The following PDE10A variants were observed in gnomAD, a reference collection of about 807,000 sequenced individuals.
PDE10A encodes the protein phosphodiesterase 10A.
PDE10A carries 39 observed loss-of-function variants against 97.7 expected under a neutral mutation model. The observed-to-expected ratio is 0.40, with a 90% confidence interval of 0.31 to 0.52. PDE10A has a LOEUF of 0.52. Among genes scored for constraint, PDE10A ranks in the 20% least tolerant of loss-of-function variants. The pLI is 0.56. For missense variants in PDE10A, 731 were observed against 1,047.8 expected (o/e 0.70, Z 4.17); for synonymous variants, 371 against 376.8 (o/e 0.98, Z 0.18).
chr6:165,372,304 G>T (rs1784309302), intron 18 of PDE10A, among the ~76,000 whole-genome samples: 1 of 150,694 alleles, frequency 6.6e-6, no homozygotes. Flanking sequence ...GTTTGCAGAT[G>T]ACATGATTGT....
At chr6:165,962,353 C>CGG (rs1562329976) in intron 1 of PDE10A, among the ~76,000 whole-genome samples, 1 of 152,202 alleles carries the variant, frequency 6.6e-6, no homozygotes, top group African/African-American at 2.4e-5. Flanking sequence ...TGAGTGGCTC[C>CGG]GGGGCTGGTC....
At chr6:165,580,282 T>A (rs1785541266) in intron 1 of PDE10A, among the ~76,000 whole-genome samples, 1 of 152,154 alleles carries the variant, frequency 6.6e-6, no homozygotes, top group Admixed American at 6.5e-5. Flanking sequence ...AAACCTGAGC[T>A]GAGCCTTAAT....
At chr6:165,519,733 G>C (rs1156588330) in intron 2 of PDE10A, among the ~76,000 whole-genome samples, 1 of 152,122 alleles carries the variant, frequency 6.6e-6, no homozygotes, top group Non-Finnish European at 1.5e-5. Context: ...GAAAACTCCT[G>C]AGGTGCCTAT....
intron 1 of PDE10A, among the ~76,000 whole-genome samples, chr6:165,853,864 C>T (rs750829585): frequency 1.8e-4 from 28 of 152,214 alleles, no homozygotes; most frequent in Non-Finnish European, 3.4e-4. Context: ...TGCACCCAAA[C>T]TGCTTTCCTA....
At chr6:165,979,953 C>A (rs1420712795) in intron 1 of PDE10A, among the ~76,000 whole-genome samples, 1 of 152,246 alleles carries the variant, frequency 6.6e-6, no homozygotes, top group Non-Finnish European at 1.5e-5. Flanking sequence ...TACTTAAATT[C>A]CTCAATGTTT....
At chr6:165,463,333 A>G (rs936936877) in intron 3 of PDE10A, among the ~76,000 whole-genome samples, 6 of 152,254 alleles carry the variant, frequency 3.9e-5, no homozygotes, top group African/African-American at 1.4e-4. Flanking sequence ...TTTGGGAAAG[A>G]ATAAAAAAGC....
chr6:165,829,742 G>A (rs1779857735), intron 1 of PDE10A, among the ~76,000 whole-genome samples: 1 of 152,218 alleles, frequency 6.6e-6, no homozygotes, highest in South Asian at 2.1e-4. Context: ...TCCTCTGCTG[G>A]CTGACCTGAG....
intron 1 of PDE10A, among the ~76,000 whole-genome samples, chr6:165,622,543 T>C (rs1203070664): frequency 6.6e-6 from 1 of 152,188 alleles, no homozygotes; most frequent in South Asian, 2.1e-4. Context: ...TATCTAAACA[T>C]AGGAAAGCTA....
intron 2 of PDE10A, among the ~76,000 whole-genome samples, chr6:165,536,763 C>T (rs924748313): frequency 6.6e-6 from 1 of 151,896 alleles, no homozygotes; most frequent in Non-Finnish European, 1.5e-5. Context: ...TATCATCTTA[C>T]CTCAGTTAAA....
chr6:165,632,221 A>C (rs1788666349), intron 1 of PDE10A, among the ~76,000 whole-genome samples: 1 of 151,502 alleles, frequency 6.6e-6, no homozygotes, highest in African/African-American at 2.4e-5. Flanking sequence ...AAAAAAAAAA[A>C]AGATACTGAG....
At chr6:165,334,347 A>G (rs1781516244) in intron 21 of PDE10A, among the ~76,000 whole-genome samples, 1 of 148,470 alleles carries the variant, frequency 6.7e-6, no homozygotes, top group South Asian at 2.1e-4. Context: ...AGCGCCCTAC[A>G]GCGCCGGGCA....
At chr6:165,944,841 T>A (rs1005736293) in intron 1 of PDE10A, among the ~76,000 whole-genome samples, 11 of 151,868 alleles carry the variant, frequency 7.2e-5, no homozygotes, top group South Asian at 4.1e-4. Context: ...GAAAAAAAAG[T>A]ATCTTCTATA....
chr6:165,659,828 G>A (rs913085306), intron 1 of PDE10A, among the ~76,000 whole-genome samples: 1 of 152,134 alleles, frequency 6.6e-6, no homozygotes. Context: ...ATCCCGAGAG[G>A]ACTCCACCCT....
chr6:165,724,783 G>A (rs1292100952), intron 1 of PDE10A, among the ~76,000 whole-genome samples: 1 of 152,210 alleles, frequency 6.6e-6, no homozygotes, highest in African/African-American at 2.4e-5. Flanking sequence ...GCAGTCAAGA[G>A]GTGAAACGTT....
intron 1 of PDE10A, among the ~76,000 whole-genome samples, chr6:165,904,702 T>G (rs1237204966): frequency 8.7e-4 from 132 of 152,334 alleles, no homozygotes; most frequent in Non-Finnish European, 8.8e-5. Context: ...ATATTTCACA[T>G]TTCTCTGAGT....
At chr6:165,414,873 A>T (rs1297438921) in intron 12 of PDE10A, among the ~76,000 whole-genome samples, 3 of 152,164 alleles carry the variant, frequency 2.0e-5, no homozygotes, top group Non-Finnish European at 4.4e-5. Context: ...CAGCCATTCA[A>T]GCTGCTGTAC....
At chr6:165,884,456 C>G (rs946006618) in intron 1 of PDE10A, among the ~76,000 whole-genome samples, 3 of 152,160 alleles carry the variant, frequency 2.0e-5, no homozygotes, top group African/African-American at 7.2e-5. Flanking sequence ...AGTTCAGTGA[C>G]TCACCCAAAG....
chr6:165,505,111 C>T (rs903631575), intron 2 of PDE10A, among the ~76,000 whole-genome samples: 21 of 152,172 alleles, frequency 1.4e-4, no homozygotes, highest in African/African-American at 4.3e-4. Flanking sequence ...GATGATCCCT[C>T]GAGTCCTTCT....
intron 1 of PDE10A, among the ~76,000 whole-genome samples, chr6:165,653,637 G>A (rs1024168290): frequency 5.3e-5 from 8 of 152,094 alleles, no homozygotes; most frequent in African/African-American, 1.4e-4. Flanking sequence ...CTCTACCAGC[G>A]GCTCTCCAGA....
Sources: allele counts gnomAD v4.1 joint callset (sites outside exome capture counted in the v4.1 genomes callset), GRCh38; gene constraint gnomAD v4.1.1; transcripts MANE v1.5; gene names NCBI Gene and HGNC (gene_info 2026-07-23, HGNC 2026-07-21).